TTC4: variants seen among roughly 807,000 people sequenced by gnomAD.
TTC4 encodes the protein tetratricopeptide repeat domain 4.
A neutral mutation model predicts 51.9 loss-of-function variants in TTC4; 36 were observed. That is an observed-to-expected ratio of 0.69 (90% CI 0.53 to 0.92). TTC4 has a LOEUF of 0.92. Among genes scored for constraint, TTC4 ranks in the 40% least tolerant of loss-of-function variants. The pLI is 0.00. For missense variants in TTC4, 399 were observed against 454.6 expected (o/e 0.88, Z 1.11); for synonymous variants, 144 against 164.2 (o/e 0.88, Z 0.94).
At chr1:54,729,618 T>C (rs1645841022) in intron 6 of TTC4, among the ~76,000 whole-genome samples, 2 of 152,172 alleles carry the variant, frequency 1.3e-5, no homozygotes, top group African/African-American at 4.8e-5. Flanking sequence ...TTGAAATATA[T>C]ATAGTCTGAC....
intron 8 of TTC4, among the ~76,000 whole-genome samples, chr1:54,736,205 A>T (rs1367416841): frequency 0.01 from 1,392 of 136,648 alleles, 107 homozygotes; most frequent in African/African-American, 0.036. Context: ...AGAGAGAGAG[A>T]GAGAGAGAGA....
At chr1:54,723,037 T>C (rs1297175192) in intron 5 of TTC4, among the ~76,000 whole-genome samples, 4 of 152,210 alleles carry the variant, frequency 2.6e-5, no homozygotes, top group African/African-American at 9.6e-5. Context: ...CAGTGTTTCA[T>C]TCAATGATGG....
chr1:54,731,377 TA>T, intron 6 of TTC4, 108 bp from the exon 7 acceptor site: 5 of 986,186 alleles, frequency 5.1e-6, no homozygotes, highest in Non-Finnish European at 5.7e-6. Context: ...AAATAAAAAA[TA>T]AAAAAATTAG....
chr1:54,732,709 C>G lies in TTC4; in HGVS notation c.897-920C>G, dbSNP rs548085135. Among the ~76,000 whole-genome samples, 257 of 152,058 alleles carry G rather than the reference C, an allele frequency of 1.7e-3. 1 individual carries two copies. Among genetic ancestry groups the G allele is most frequent in the African/African-American group, 5.5e-3 (229 of 41,552 alleles). On this transcript the variant is annotated intron_variant, in intron 7 of 9. Transcript: ENST00000371281. The stretch of plus-strand genomic sequence containing the variant: ...TCCTGGGCTCGAATGTTCCTCCCAC[C>G]TCGGCCTCCCAAAGTGCTGGGATTT...
At position 54,733,680 on chromosome 1, in the gene TTC4, A is replaced by C. The variant is rs375938015; in HGVS notation, c.948A>C (p.Leu316=). 1 of 1,602,414 alleles carries C rather than the reference A, an allele frequency of 6.2e-7. No individual in the cohort carries two copies. The highest frequency in any genetic ancestry group is 1.3e-5 in the African/African-American group (1 of 74,576). The change falls in exon 8 of 10, where the codon CTA becomes CTC. Residue 316 remains leucine (L), a synonymous_variant. Transcript: ENST00000371281. ...VMFGETPSWD[L]EQKYCPDNLE... ...TTGGTGAAACACCCTCTTGGGACCTAGAGCAAAAATATTGCCCTGATAATT... is the reference window on the plus strand; with the variant it reads ...TTGGTGAAACACCCTCTTGGGACCTCGAGCAAAAATATTGCCCTGATAATT...
rs535048048 is a variant in TTC4 at position 54,738,578 on chromosome 1, T to G, written c.1061+914T>G. ...GCCCACTGCACCACAGCCATAACAC[T>G]CCAGACCAGGGGAGATAAATAGGAC... On this transcript the variant is annotated intron_variant, in intron 9 of 9. Coordinates refer to ENST00000371281, the MANE Select transcript of TTC4 (RefSeq NM_004623.5). Among the ~76,000 whole-genome samples, 4 of 151,312 alleles carry G rather than the reference T, an allele frequency of 2.6e-5. No homozygotes were observed. The South Asian group carries it at 8.4e-4, about 32-fold the overall frequency.
chr1:54,722,126 GA>G lies in TTC4; in HGVS notation c.470-546del, dbSNP rs1206505846. Among the ~76,000 whole-genome samples the G allele has an allele frequency of 1.0e-3, 134 of 129,190 alleles. 1 individual carries two copies. The highest frequency in any genetic ancestry group is 3.4e-3 in the African/African-American group (123 of 36,158). The allele number at this position is 129,190 out of a possible 152,430, so 84.8% of individuals were successfully genotyped here. A position where few individuals can be genotyped will look rare whatever the true frequency, so the allele number is the denominator to read the frequency against. ...TGGAGAAAAATGTACATGATAACAT[GA>G]AATTTTTTTTTTTTTTTTTGATGGG... On this transcript the variant is annotated intron_variant, in intron 4 of 9. Coordinates refer to ENST00000371281, the MANE Select transcript of TTC4 (RefSeq NM_004623.5).
intron 8 of TTC4, among the ~76,000 whole-genome samples, chr1:54,736,219 A>T (rs1317164993): frequency 0.037 from 4,151 of 112,316 alleles, 438 homozygotes; most frequent in African/African-American, 0.093. Context: ...AGAGAGAGAG[A>T]GAGAAGAGGA....
chr1:54,723,632 C>T (rs1452346207), intron 5 of TTC4, among the ~76,000 whole-genome samples: 1 of 152,218 alleles, frequency 6.6e-6, no homozygotes, highest in Non-Finnish European at 1.5e-5. Flanking sequence ...ACTTGGACAA[C>T]TTGCTGATCT....
intron 3 of TTC4, among the ~76,000 whole-genome samples, chr1:54,719,258 C>G (rs1221299360): frequency 7.7e-6 from 1 of 129,902 alleles, no homozygotes; most frequent in Non-Finnish European, 1.6e-5. Context: ...ACCTTCACCC[C>G]CACTTCCAGA....
At position 54,737,642 on chromosome 1, in the gene TTC4, C is replaced by G. The variant is rs1645962899; in HGVS notation, c.1039C>G (p.Leu347Val). 6.2e-7 allele frequency: 1 copy of G among 1,612,748 alleles called. No homozygotes were observed. The highest frequency in any genetic ancestry group is 8.5e-7 in the Non-Finnish European group (1 of 1,180,002). ...LYRVPAKSTL[L>V]QVLQHQRYFV... ...CCGGGTGCCTGCCAAGAGCACCTTGCTACAGGTTCTACAGCACCAGAGGTG... is the reference window on the plus strand; with the variant it reads ...CCGGGTGCCTGCCAAGAGCACCTTGGTACAGGTTCTACAGCACCAGAGGTG... The change falls in exon 9 of 10, where the codon CTA becomes GTA. Residue 347 changes from leucine to valine, a missense_variant. This residue lies in a region of TTC4 where 64 missense variants were observed against 61.3 expected (regional missense o/e 1.04). Transcript: ENST00000371281.
intron 8 of TTC4, among the ~76,000 whole-genome samples, chr1:54,735,354 G>A (rs1645920823): frequency 6.6e-6 from 1 of 152,000 alleles, no homozygotes; most frequent in Non-Finnish European, 1.5e-5. Context: ...GAGTAGCTGG[G>A]ATTACAGCTA....
chr1:54,723,305 T>C (rs905200425), intron 5 of TTC4, among the ~76,000 whole-genome samples: 1 of 152,206 alleles, frequency 6.6e-6, no homozygotes, highest in South Asian at 2.1e-4. Context: ...ACAATGATTG[T>C]GCATTTTTCA....
chr1:54,717,612 C>T lies in TTC4; in HGVS notation c.350C>T (p.Ala117Val). The T allele has an allele frequency of 6.2e-7, 1 of 1,611,048 alleles. No individual in the cohort carries two copies. The highest frequency in any genetic ancestry group is 8.5e-7 in the Non-Finnish European group (1 of 1,178,930). The change falls in exon 3 of 10, where the codon GCT (alanine) becomes GTT (valine). Residue 117 changes from alanine (A) to valine (V), a missense_variant. Ala to Val is a moderately conservative substitution (Grantham distance 64). Around this residue, in one of 3 missense-constraint regions of TTC4, gnomAD observed 316 missense variants for 349.6 expected, o/e 0.90. Transcript: ENST00000371281. ...KKKCADPDLN[A>V]VLYTNRAAAQ... ...AAATGTGCAGATCCTGATTTGAATG[C>T]TGTCCTTTATACCAACCGGGCAGCA...
At position 54,735,891 on chromosome 1, in the gene TTC4, T is replaced by A. The variant is rs141785015; in HGVS notation, c.979-1691T>A. ...CCAGTGGGAATCTCTTCAAATTTGT[T>A]TCTGTGTCCTTTTGACTTGTGTCTA... On this transcript the variant is annotated intron_variant, in intron 8 of 9. Coordinates refer to ENST00000371281, the MANE Select transcript of TTC4 (RefSeq NM_004623.5). Among the ~76,000 whole-genome samples, 42 of 152,248 alleles carry A rather than the reference T, an allele frequency of 2.8e-4. No individual in the cohort carries two copies. In the East Asian group the frequency reaches 4.8e-3, roughly 17 times the overall value.
chr1:54,723,379 C>CTA (rs1645766102), intron 5 of TTC4, among the ~76,000 whole-genome samples: 1 of 152,202 alleles, frequency 6.6e-6, no homozygotes. Context: ...GATACCATTA[C>CTA]TATATACAGT....
chr1:54,716,689 T>A lies in TTC4; in HGVS notation c.201T>A (p.Ile67=). ...CTGACTTGGCTTGTCTCCAGTCAAT[T>A]ATTTTTGATGAGGAGCGTTCTCCAG... ...ENPDLACLQS[I]IFDEERSPEE... Residue 67 remains isoleucine, a synonymous_variant, in exon 2 of 10, where the codon ATT becomes ATA. Transcript: ENST00000371281. 5 of 1,613,216 alleles carry A rather than the reference T, an allele frequency of 3.1e-6. No homozygotes were observed. The highest frequency in any genetic ancestry group is 4.2e-6 in the Non-Finnish European group (5 of 1,179,880).
Position 54,736,240 on chromosome 1 carries a change from AAGAGAGGAGAGAGG to A in TTC4, c.979-1335_979-1322del, listed in dbSNP as rs1261140050. Among the ~76,000 whole-genome samples the A allele has an allele frequency of 4.3e-5, 5 of 117,094 alleles. No individual in the cohort carries two copies. The East Asian group carries it at 1.3e-3, about 31-fold the overall frequency. 76.8% of individuals were successfully genotyped at this position (117,094 alleles called of 152,430 possible). The stretch of plus-strand genomic sequence containing the variant: ...AGAGAGAGAAGAGGAGAGGAGAGAG[AAGAGAGGAGAGAGG>A]AGAGAGAGAGAGAGAGACCATGAAG... On this transcript the variant is annotated intron_variant, in intron 8 of 9. Coordinates refer to ENST00000371281, the MANE Select transcript of TTC4 (RefSeq NM_004623.5).
At chr1:54,739,594 G>T (rs936269279) in intron 9 of TTC4, among the ~76,000 whole-genome samples, 1 of 152,252 alleles carries the variant, frequency 6.6e-6, no homozygotes, top group Non-Finnish European at 1.5e-5. Context: ...GAGAAGCTGT[G>T]AGGTGTTCCT....
Sources: allele counts gnomAD v4.1 joint callset (sites outside exome capture counted in the v4.1 genomes callset), GRCh38; gene constraint gnomAD v4.1.1; regional missense constraint gnomAD v4.1.1; transcripts MANE v1.5; gene names NCBI Gene and HGNC (gene_info 2026-07-23, HGNC 2026-07-21).